FAM174B: variants seen among roughly 807,000 people sequenced by gnomAD.
FAM174B encodes the protein family with sequence similarity 174 member B, also known as membrane protein FAM174B.
FAM174B carries 12 observed loss-of-function variants against 10.9 expected under a neutral mutation model. The observed-to-expected ratio is 1.10, with a 90% CI of 0.71 to 1.79. FAM174B has a LOEUF of 1.79. Ranked by LOEUF, FAM174B falls within the 40% of genes most tolerant of loss-of-function variation. The probability of loss-of-function intolerance (pLI) is 0.00; values close to 1 mark genes in which losing one functional copy is unlikely to be tolerated. For missense variants in FAM174B, 266 were observed against 233.3 expected, an observed-to-expected ratio of 1.14 and a Z score of -0.91; for synonymous variants, 132 against 115.8, an observed-to-expected ratio of 1.14 and a Z score of -0.90.
At chr15:92,631,488 A>ATT (rs1479165730) in intron 1 of FAM174B, among the ~76,000 whole-genome samples, 1 of 99,090 alleles carries the variant, frequency 1.0e-5, no homozygotes, top group African/African-American at 4.0e-5. Flanking sequence ...TATATTATAT[A>ATT]TATATATAAT....
At chr15:92,645,938 G>C (rs2050923980) in intron 1 of FAM174B, among the ~76,000 whole-genome samples, 1 of 152,190 alleles carries the variant, frequency 6.6e-6, no homozygotes, top group African/African-American at 2.4e-5. Context: ...CATGGCTGGA[G>C]TTTTCATGAG....
rs2050703848 is a variant in FAM174B, at chr15:92,619,432, T to C, written c.*24A>G. The C allele has an allele frequency of 1.2e-6, 2 of 1,613,906 alleles. No homozygotes were observed. Among genetic ancestry groups the C allele is most frequent in the South Asian group, 1.1e-5 (1 of 91,058 alleles). On this transcript the variant is annotated 3_prime_UTR_variant, in exon 3 of 3. Coordinates refer to ENST00000327355, the MANE Select transcript of FAM174B (RefSeq NM_207446.3). Reference sequence around the variant, plus strand: ...TGCAGCTGACCAACTTTCCACAGGATGCCACCAGGCTGGGAAACAGGTTTT... The same window carrying C: ...TGCAGCTGACCAACTTTCCACAGGACGCCACCAGGCTGGGAAACAGGTTTT...
chr15:92,620,033 G>A (rs1031607669), intron 2 of FAM174B: 5 of 155,456 alleles, frequency 3.2e-5, no homozygotes, highest in African/African-American at 1.2e-4. Flanking sequence ...CTCCTGAGCT[G>A]TACAAAAACA....
intron 1 of FAM174B, among the ~76,000 whole-genome samples, chr15:92,642,190 C>A (rs1208702760): frequency 2.0e-5 from 3 of 152,160 alleles, no homozygotes; most frequent in Non-Finnish European, 4.4e-5. Context: ...TATAAGAAAT[C>A]ATAACCCTCA....
chr15:92,638,855 C>T (rs2050872564), intron 1 of FAM174B, among the ~76,000 whole-genome samples: 1 of 152,216 alleles, frequency 6.6e-6, no homozygotes, highest in Admixed American at 6.5e-5. Context: ...ACATCCCTGC[C>T]ACGGGGCACT....
intron 1 of FAM174B, among the ~76,000 whole-genome samples, chr15:92,632,209 C>G (rs1167946478): frequency 6.6e-6 from 1 of 152,184 alleles, no homozygotes; most frequent in Non-Finnish European, 1.5e-5. Context: ...TACAACACTA[C>G]AGTGTTCTGG....
intron 2 of FAM174B, among the ~76,000 whole-genome samples, chr15:92,623,447 T>C (rs2050732844): frequency 6.6e-6 from 1 of 152,284 alleles, no homozygotes; most frequent in Admixed American, 6.5e-5. Context: ...CTATAGGAAG[T>C]GAAGGCATAT....
At chr15:92,624,027 G>A (rs1198092982) in intron 2 of FAM174B, among the ~76,000 whole-genome samples, 2 of 151,666 alleles carry the variant, frequency 1.3e-5, no homozygotes, top group Non-Finnish European at 2.9e-5. Flanking sequence ...CATCCTCATA[G>A]ACATAGACAC....
chr15:92,631,717 C>T lies in FAM174B; in HGVS notation c.345-1372G>A, dbSNP rs564626169. ...TTTCGCCTGTTAGCCAGGATGGTCT[C>T]GATCTCCTGACCTCGTGATCTGCCC... On this transcript the variant is annotated intron_variant, in intron 1 of 2. Transcript: ENST00000327355. 9.9e-5 allele frequency among the ~76,000 whole-genome samples: 15 copies of T among 151,016 alleles called. No individual in the cohort carries two copies. The East Asian group carries it at 2.5e-3, about 26-fold the overall frequency.
At chr15:92,625,203 C>T (rs2050745428) in intron 2 of FAM174B, among the ~76,000 whole-genome samples, 1 of 152,150 alleles carries the variant, frequency 6.6e-6, no homozygotes. Context: ...ATCTCCTACC[C>T]TGCCTGTATT....
intron 1 of FAM174B, among the ~76,000 whole-genome samples, chr15:92,631,397 ATAT>A (rs1452322025): frequency 7.1e-5 from 3 of 42,268 alleles, no homozygotes; most frequent in African/African-American, 1.4e-4. Flanking sequence ...ATTATATATT[ATAT>A]TATATTATAT....
intron 1 of FAM174B, among the ~76,000 whole-genome samples, chr15:92,634,146 A>G (rs1390481752): frequency 6.6e-6 from 1 of 152,198 alleles, no homozygotes; most frequent in Non-Finnish European, 1.5e-5. Context: ...GGAACGGGAG[A>G]AAAGAAATGT....
intron 1 of FAM174B, among the ~76,000 whole-genome samples, chr15:92,652,186 T>G (rs1355433330): frequency 6.6e-6 from 1 of 152,200 alleles, no homozygotes; most frequent in Non-Finnish European, 1.5e-5. Context: ...CACAGAAGAT[T>G]AATGCCTAGT....
Position 92,655,665 on chromosome 15 carries a change from G to T in FAM174B, c.-6C>A. The T allele has an allele frequency of 1.6e-6, 2 of 1,259,152 alleles. No individual in the cohort carries two copies. Among genetic ancestry groups the T allele is most frequent in the South Asian group, 3.4e-5 (1 of 29,786 alleles). 78.0% of individuals were successfully genotyped at this position (1,259,152 alleles called of 1,614,324 possible). ...GGCAGCGGCACGGCGCGCATAGTGC[G>T]GTGGGTCGGCACAGGATCGGGCAGG... is the stretch of plus-strand genomic sequence containing the variant. On this transcript the variant is annotated 5_prime_UTR_variant, in exon 1 of 3. Coordinates refer to ENST00000327355, the MANE Select transcript of FAM174B (RefSeq NM_207446.3).
chr15:92,626,845 G>T (rs911917737), intron 2 of FAM174B, among the ~76,000 whole-genome samples: 1 of 152,086 alleles, frequency 6.6e-6, no homozygotes, highest in Admixed American at 6.5e-5. Context: ...GAGGTCAAGA[G>T]ATCGAGACCA....
At chr15:92,627,131 T>G (rs1321768463) in intron 2 of FAM174B, 1 of 151,860 alleles carries the variant, frequency 6.6e-6, no homozygotes, top group African/African-American at 2.4e-5. Context: ...AGAGATGGAA[T>G]GCACATCATT....
intron 2 of FAM174B, chr15:92,619,709 C>T: frequency 1.7e-6 from 1 of 573,430 alleles, no homozygotes; most frequent in Non-Finnish European, 3.1e-6. Flanking sequence ...AACACAACCT[C>T]TTTCTCCTTA....
At chr15:92,624,742 T>C (rs1861256653) in intron 2 of FAM174B, among the ~76,000 whole-genome samples, 1 of 152,148 alleles carries the variant, frequency 6.6e-6, no homozygotes, top group Non-Finnish European at 1.5e-5. Context: ...CCACATCCTT[T>C]CCACACATAA....
At chr15:92,643,030 T>C (rs2050901553) in intron 1 of FAM174B, among the ~76,000 whole-genome samples, 2 of 152,244 alleles carry the variant, frequency 1.3e-5, no homozygotes, top group African/African-American at 4.8e-5. Context: ...CTACTATGGA[T>C]TCATGGTTTC....
Sources: gnomAD v4.1 joint callset for allele counts (sites outside exome capture counted in the v4.1 genomes callset) on GRCh38, gnomAD v4.1.1 for gene constraint, MANE v1.5 for transcripts, NCBI Gene and HGNC (gene_info 2026-07-23, HGNC 2026-07-21) for gene names.